MNT: variants seen among roughly 807,000 people sequenced by gnomAD.
MNT encodes the protein MAX network transcriptional repressor, also known as max-binding protein MNT.
MNT carries 13 observed loss-of-function variants against 40.7 expected under a neutral mutation model. The observed-to-expected ratio is 0.32, with a 90% CI of 0.21 to 0.51. The LOEUF (loss-of-function observed/expected upper bound fraction) is 0.51. Ranked by LOEUF, MNT falls within the 20% of genes least tolerant of loss-of-function variation. MNT has a pLI of 0.98. For missense variants in MNT, 757 were observed against 792.0 expected (o/e 0.96, Z 0.53); for synonymous variants, 426 against 354.8 (o/e 1.20, Z -2.26).
chr17:2,387,793 G>T, intron 5 of MNT, 64 bp downstream of exon 5: 1 of 1,552,874 alleles, frequency 6.4e-7, no homozygotes. Context: ...GCCTGGCCAG[G>T]GAGGCTGGAA....
Sources: allele counts gnomAD v4.1 joint callset, GRCh38; gene constraint gnomAD v4.1.1; transcripts MANE v1.5; gene names NCBI Gene and HGNC (gene_info 2026-07-23, HGNC 2026-07-21).